Variants in DCDC2 observed in about 807,000 individuals in gnomAD.
The protein encoded by DCDC2 is doublecortin domain-containing protein 2.
A neutral mutation model predicts 50.2 loss-of-function variants in DCDC2; 40 were observed. The observed-to-expected ratio is 0.80, with a 90% CI of 0.62 to 1.04. DCDC2 has a LOEUF of 1.04. Ranked by LOEUF, DCDC2 falls within the 50% of genes least tolerant of loss-of-function variation. The pLI, the probability that DCDC2 is intolerant of heterozygous loss-of-function variation, is 0.00. For synonymous variants in DCDC2, 234 were observed against 210.6 expected (o/e 1.11, Z -0.96); for missense variants, 570 against 581.9 (o/e 0.98, Z 0.21).
intron 2 of DCDC2, among the ~76,000 whole-genome samples, chr6:24,349,493 G>T (rs1760325388): frequency 1.3e-5 from 2 of 152,156 alleles, no homozygotes; most frequent in African/African-American, 2.4e-5. Context: ...GCTGGTAAAG[G>T]CATCACACAT....
chr6:24,229,753 A>C (rs1762300645), intron 7 of DCDC2, among the ~76,000 whole-genome samples: 5 of 152,196 alleles, frequency 3.3e-5, no homozygotes, highest in African/African-American at 9.7e-5. Context: ...GATACACTGT[A>C]AATGTTTATG....
chr6:24,361,451 A>G (rs1325110749), upstream of DCDC2, among the ~76,000 whole-genome samples: 2 of 152,202 alleles, frequency 1.3e-5, no homozygotes, highest in East Asian at 1.9e-4. Flanking sequence ...AAAAGTTAAC[A>G]AATTTCAAAA....
intron 2 of DCDC2, among the ~76,000 whole-genome samples, chr6:24,342,291 C>T (rs1295774565): frequency 2.0e-5 from 3 of 152,196 alleles, no homozygotes; most frequent in Non-Finnish European, 4.4e-5. Flanking sequence ...CACAGTGTTG[C>T]TTCAAATTGT....
At chr6:24,242,733 G>T (rs375959200) in intron 7 of DCDC2, among the ~76,000 whole-genome samples, 1 of 152,160 alleles carries the variant, frequency 6.6e-6, no homozygotes, top group Non-Finnish European at 1.5e-5. Flanking sequence ...AGGCCAAGAC[G>T]GGCGGATCAC....
intron 2 of DCDC2, among the ~76,000 whole-genome samples, chr6:24,321,801 C>T (rs1210525191): frequency 6.6e-6 from 1 of 152,138 alleles, no homozygotes; most frequent in Non-Finnish European, 1.5e-5. Context: ...AGACATGAGA[C>T]GTTTGTTTCT....
chr6:24,359,699 C>G (rs966482675), upstream of DCDC2, among the ~76,000 whole-genome samples: 1 of 149,220 alleles, frequency 6.7e-6, no homozygotes, highest in Admixed American at 6.8e-5. Flanking sequence ...GAGTTTGAGA[C>G]CAACCTGAGC....
At chr6:24,286,357 C>T (rs1763609283) in intron 6 of DCDC2, among the ~76,000 whole-genome samples, 1 of 152,130 alleles carries the variant, frequency 6.6e-6, no homozygotes, top group South Asian at 2.1e-4. Context: ...CTTTGCGAGG[C>T]CAAGGCAGGC....
chr6:24,336,895 C>T (rs1760066154), intron 2 of DCDC2, among the ~76,000 whole-genome samples: 1 of 152,172 alleles, frequency 6.6e-6, no homozygotes, highest in East Asian at 1.9e-4. Flanking sequence ...TAAACACATA[C>T]CTATATGTTT....
chr6:24,215,507 G>T (rs535808702), intron 7 of DCDC2, among the ~76,000 whole-genome samples: 1 of 152,114 alleles, frequency 6.6e-6, no homozygotes, highest in African/African-American at 2.4e-5. Context: ...GGAGATCATG[G>T]AAAGTGTTAT....
intron 2 of DCDC2, among the ~76,000 whole-genome samples, chr6:24,306,494 TTAGA>T (rs28987368): frequency 0.13 from 16,705 of 128,982 alleles, 1,247 homozygotes; most frequent in East Asian, 0.25. Flanking sequence ...TGAGTGGAGA[TTAGA>T]TAGATAGATA....
chr6:24,306,692 A>C (rs1223177254), intron 2 of DCDC2, among the ~76,000 whole-genome samples: 2 of 152,206 alleles, frequency 1.3e-5, no homozygotes, highest in African/African-American at 4.8e-5. Context: ...TACAAATCAC[A>C]TGCTGTCTCC....
rs919718442 is a variant in DCDC2, at chr6:24,246,487, T to C, written c.922+31562A>G. Among the ~76,000 whole-genome samples, 16 of 124,562 alleles carry C rather than the reference T, an allele frequency of 1.3e-4. No individual in the cohort carries two copies. In the South Asian group the frequency reaches 1.5e-3, roughly 11 times the overall value. The allele number at this position is 124,562 out of a possible 152,430, so 81.7% of individuals were successfully genotyped here. On this transcript the variant is annotated intron_variant, in intron 7 of 9. Transcript: ENST00000378454. ...CAAGTCTTTTTCTTTTTCTTTTTTT[T>C]TTTTTTTTTTTTTTTTTGAGATGGA...
At chr6:24,293,627 A>C (rs1039856462) in intron 4 of DCDC2, among the ~76,000 whole-genome samples, 2 of 152,206 alleles carry the variant, frequency 1.3e-5, no homozygotes, top group Admixed American at 6.5e-5. Context: ...TAGATCATAA[A>C]AGCAGAAAAT....
chr6:24,251,476 C>T (rs758286662), intron 7 of DCDC2, among the ~76,000 whole-genome samples: 1 of 152,172 alleles, frequency 6.6e-6, no homozygotes, highest in African/African-American at 2.4e-5. Context: ...CACAAACCTC[C>T]TGAAATTCTG....
At chr6:24,209,043 G>C (rs1761795453) in intron 7 of DCDC2, among the ~76,000 whole-genome samples, 1 of 152,158 alleles carries the variant, frequency 6.6e-6, no homozygotes, top group South Asian at 2.1e-4. Context: ...CCAAAGAATT[G>C]CCAACAAGGC....
At chr6:24,252,022 G>A (rs573479353) in intron 7 of DCDC2, among the ~76,000 whole-genome samples, 2 of 152,226 alleles carry the variant, frequency 1.3e-5, no homozygotes, top group South Asian at 4.1e-4. Context: ...TACCTCTATG[G>A]ACCAGGCCAC....
chr6:24,220,220 C>A (rs1762068774), intron 7 of DCDC2, among the ~76,000 whole-genome samples: 1 of 152,142 alleles, frequency 6.6e-6, no homozygotes. Context: ...GATGCATATG[C>A]AGGTACAAAA....
intron 8 of DCDC2, among the ~76,000 whole-genome samples, chr6:24,200,326 A>G (rs750017751): frequency 2.0e-5 from 3 of 152,250 alleles, no homozygotes; most frequent in Non-Finnish European, 4.4e-5. Context: ...CAGAAACCCT[A>G]CAAGCCAGAA....
At chr6:24,220,924 G>A (rs867714199) in intron 7 of DCDC2, among the ~76,000 whole-genome samples, 2 of 152,064 alleles carry the variant, frequency 1.3e-5, no homozygotes, top group East Asian at 1.9e-4. Context: ...GCGAGCGAGC[G>A]AGAGCACATG....
Sources: gnomAD v4.1 joint callset for allele counts (sites outside exome capture counted in the v4.1 genomes callset) on GRCh38, gnomAD v4.1.1 for gene constraint, MANE v1.5 for transcripts, NCBI Gene and HGNC (gene_info 2026-07-23, HGNC 2026-07-21) for gene names.